DNAH3: variants seen among roughly 807,000 people sequenced by gnomAD.
DNAH3 encodes the protein axonemal beta dynein heavy chain 3.
A neutral mutation model predicts 432.5 loss-of-function variants in DNAH3; 332 were observed. The ratio of observed to expected loss-of-function variants is 0.77; its 90% CI spans 0.70 to 0.84. DNAH3 has a LOEUF of 0.84. Among genes scored for constraint, DNAH3 ranks in the 40% least tolerant of loss-of-function variants. The pLI, the probability that DNAH3 is intolerant of heterozygous loss-of-function variation, is 0.00. For synonymous variants in DNAH3, 1,956 were observed against 1,900.2 expected (o/e 1.03, Z -0.76); for missense variants, 4,861 against 5,114.0 (o/e 0.95, Z 1.51).
At chr16:21,094,101 C>G (rs566415709) in intron 18 of DNAH3, among the ~76,000 whole-genome samples, 1 of 152,032 alleles carries the variant, frequency 6.6e-6, no homozygotes, top group South Asian at 2.1e-4. Flanking sequence ...GTGAAAGACA[C>G]TATAAAGAGA....
intron 25 of DNAH3, among the ~76,000 whole-genome samples, chr16:21,061,928 T>C (rs1007106864): frequency 1.3e-5 from 2 of 152,226 alleles, no homozygotes; most frequent in African/African-American, 4.8e-5. Context: ...CTGCAGTTTA[T>C]ACGCGTGGGT....
intron 1 of DNAH3, among the ~76,000 whole-genome samples, chr16:21,153,786 A>C (rs1294604504): frequency 6.6e-6 from 1 of 152,212 alleles, no homozygotes; most frequent in South Asian, 2.1e-4. Context: ...CCACGGCTTC[A>C]TTCTTGAAGT....
chr16:21,060,214 T>A (rs761250490), intron 26 of DNAH3, 50 bp downstream of exon 26: 1 of 1,453,772 alleles, frequency 6.9e-7, no homozygotes, highest in Non-Finnish European at 9.7e-7. Flanking sequence ...TCCCCAATGT[T>A]CTCTTTAGTG....
At chr16:21,105,005 G>A (rs959404448) in intron 15 of DNAH3, among the ~76,000 whole-genome samples, 8 of 152,100 alleles carry the variant, frequency 5.3e-5, no homozygotes, top group African/African-American at 1.7e-4. Context: ...TCTGCATGTC[G>A]GTTTCCCTTT....
chr16:21,086,065 T>A (rs971023662), intron 19 of DNAH3, among the ~76,000 whole-genome samples: 1 of 152,130 alleles, frequency 6.6e-6, no homozygotes, highest in Admixed American at 6.6e-5. Flanking sequence ...GTCTTGAATG[T>A]GGTTCTGAGA....
At chr16:20,938,300 G>A (rs1006267431) in intron 59 of DNAH3, among the ~76,000 whole-genome samples, 3 of 151,834 alleles carry the variant, frequency 2.0e-5, no homozygotes, top group South Asian at 2.1e-4. Context: ...CAGGAGAATC[G>A]CTTGAACCCA....
chr16:21,140,753 A>G (rs7202568), intron 4 of DNAH3, 43 bp from the exon 6 acceptor site: 692,760 of 1,598,126 alleles, frequency 0.43, 153,119 homozygotes, highest in East Asian at 0.67. Flanking sequence ...TTGGTTCTCC[A>G]GAGAGGTGCT....
chr16:21,057,040 G>A (rs1314546966), intron 27 of DNAH3, among the ~76,000 whole-genome samples: 1 of 152,156 alleles, frequency 6.6e-6, no homozygotes, highest in Non-Finnish European at 1.5e-5. Context: ...AATCCTCTAA[G>A]AGGAGTAACA....
chr16:21,039,214 C>CTTTTTTTTTTTTTTTTTTTTT lies in DNAH3; in HGVS notation c.4730+617_4730+637dup, dbSNP rs200708542. Among the ~76,000 whole-genome samples, 2 of 125,986 alleles carry CTTTTTTTTTTTTTTTTTTTTT rather than the reference C, an allele frequency of 1.6e-5. 1 individual carries two copies. The highest frequency in any genetic ancestry group is 6.3e-5 in the African/African-American group (2 of 31,700). The allele number at this position is 125,986 out of a possible 152,430, so 82.7% of individuals were successfully genotyped here. A position where few individuals can be genotyped will look rare whatever the true frequency, so the allele number is the denominator to read the frequency against. On this transcript the variant is annotated intron_variant, in intron 33 of 61. Coordinates refer to ENST00000261383, the Ensembl canonical transcript of DNAH3. ...TAATTGCATATGTTTTATAGTGTTG[C>CTTTTTTTTTTTTTTTTTTTTT]TTTTTTTTTTTTTTTTTTTTTTGAG... is the stretch of plus-strand genomic sequence containing the variant.
chr16:21,012,227 A>T (rs1372724852), intron 41 of DNAH3, among the ~76,000 whole-genome samples: 5 of 152,226 alleles, frequency 3.3e-5, no homozygotes, highest in African/African-American at 1.2e-4. Context: ...ACAAGAAAAA[A>T]GGAGATGATG....
At chr16:21,076,236 T>C (rs915718074) in intron 20 of DNAH3, among the ~76,000 whole-genome samples, 1 of 152,184 alleles carries the variant, frequency 6.6e-6, no homozygotes, top group East Asian at 1.9e-4. Context: ...TCCATTATAA[T>C]TGGTGACCTT....
chr16:21,155,170 G>A lies in DNAH3; in HGVS notation c.117+4155C>T, dbSNP rs370088904. ...TTGCCATGTTGGCCAGCCTGGTCTCGAACCCCTGACCTCAAGTGATCTGCC... is the reference window on the plus strand; with the variant it reads ...TTGCCATGTTGGCCAGCCTGGTCTCAAACCCCTGACCTCAAGTGATCTGCC... On this transcript the variant is annotated intron_variant, in intron 1 of 61. Coordinates refer to ENST00000261383, the Ensembl canonical transcript of DNAH3. 2.4e-4 allele frequency among the ~76,000 whole-genome samples: 36 copies of A among 151,638 alleles called. 1 individual carries two copies. The South Asian group carries it at 4.0e-3, about 17-fold the overall frequency.
chr16:21,109,656 G>T (rs2092025496), intron 14 of DNAH3, among the ~76,000 whole-genome samples: 1 of 151,806 alleles, frequency 6.6e-6, no homozygotes, highest in Non-Finnish European at 1.5e-5. Context: ...CTGGAGTGCA[G>T]CGCCTCAATC....
intron 59 of DNAH3, among the ~76,000 whole-genome samples, chr16:20,940,457 T>C (rs940368285): frequency 6.6e-5 from 10 of 152,084 alleles, no homozygotes; most frequent in African/African-American, 1.7e-4. Flanking sequence ...GATAGGGTCT[T>C]TCTCTGTCAC....
chr16:20,987,379 TGTCA>T lies in DNAH3; in HGVS notation c.6948_6951del (p.Asp2317ArgfsTer11), dbSNP rs2086248255. On this transcript the variant is annotated frameshift_variant, in exon 47 of 62. Coordinates refer to ENST00000261383, the Ensembl canonical transcript of DNAH3. LOFTEE classifies it high-confidence loss of function. ...TTGAAAAAGACCTGTCTGTCCTCCT[TGTCA>T]ATCAGACGATCATAGAAGACCCGAT... The T allele has an allele frequency of 1.2e-6, 2 of 1,614,148 alleles. No individual in the cohort carries two copies. The highest frequency in any genetic ancestry group is 2.2e-5 in the South Asian group (2 of 91,082).
At chr16:21,031,331 C>A in intron 36 of DNAH3, 45 bp from the exon 37 acceptor site, 2 of 1,603,166 alleles carry the variant, frequency 1.2e-6, no homozygotes, top group Non-Finnish European at 1.7e-6. Context: ...TCTGGTGAGA[C>A]CAGAAGGTTA....
chr16:21,060,980 G>A (rs1247134200), intron 25 of DNAH3, among the ~76,000 whole-genome samples: 1 of 151,802 alleles, frequency 6.6e-6, no homozygotes, highest in African/African-American at 2.4e-5. Context: ...TGGGACTACA[G>A]GCACATGCCA....
intron 36 of DNAH3, among the ~76,000 whole-genome samples, chr16:21,033,739 A>C (rs928115943): frequency 2.0e-5 from 3 of 152,180 alleles, no homozygotes; most frequent in African/African-American, 7.2e-5. Flanking sequence ...TCAGCATTTG[A>C]GACAATTCCT....
At chr16:20,968,750 CCTCT>C (rs1402610332) in intron 52 of DNAH3, among the ~76,000 whole-genome samples, 1 of 151,782 alleles carries the variant, frequency 6.6e-6, no homozygotes, top group Non-Finnish European at 1.5e-5. Context: ...TGTCTCTCTC[CCTCT>C]AATTTTCCAT....
Sources: allele counts gnomAD v4.1 joint callset (sites outside exome capture counted in the v4.1 genomes callset), GRCh38; gene constraint gnomAD v4.1.1; transcripts MANE v1.5; gene names NCBI Gene and HGNC (gene_info 2026-07-23, HGNC 2026-07-21).